DNAH8: variants seen among roughly 807,000 people sequenced by gnomAD.
The protein encoded by DNAH8 is dynein axonemal heavy chain 8, also known as axonemal beta dynein heavy chain 8.
Under a neutral mutation model 562.1 loss-of-function variants are expected in DNAH8, and 382 were observed. The ratio of observed to expected loss-of-function variants is 0.68; its 90% CI spans 0.63 to 0.74. The LOEUF (loss-of-function observed/expected upper bound fraction) is 0.74, where lower values mean the gene tolerates loss of function less well. Ranked by LOEUF, DNAH8 falls within the 30% of genes least tolerant of loss-of-function variation. DNAH8 has a pLI of 0.00. For synonymous variants in DNAH8, 1,881 were observed against 1,919.4 expected (o/e 0.98, Z 0.52); for missense variants, 5,203 against 5,620.4 (o/e 0.93, Z 2.37).
intron 4 of DNAH8, among the ~76,000 whole-genome samples, chr6:38,731,407 C>G (rs1178489780): frequency 2.6e-5 from 4 of 151,632 alleles, no homozygotes; most frequent in Non-Finnish European, 5.9e-5. Context: ...CTTCTTTATG[C>G]CAATAAATAC....
Position 38,942,171 on chromosome 6 carries a change from AC to A in DNAH8, c.12007+3186del, listed in dbSNP as rs148587702. Among the ~76,000 whole-genome samples, 1,252 of 152,280 alleles carry A rather than the reference AC, an allele frequency of 8.2e-3. 13 individuals carry two copies. The highest frequency in any genetic ancestry group is 0.029 in the African/African-American group (1,200 of 41,558). On this transcript the variant is annotated intron_variant, in intron 79 of 92. Coordinates refer to ENST00000327475, the MANE Select transcript of DNAH8 (RefSeq NM_001206927.2). ...TAAAAATTTCTGTTGTTTCTAAGCC[AC>A]CCAGCGTATGGTATTTGGTGATAGT... is the stretch of plus-strand genomic sequence containing the variant.
intron 27 of DNAH8, 142 bp from the exon 28 acceptor site, chr6:38,823,420 G>T: frequency 1.6e-6 from 1 of 630,942 alleles, no homozygotes; most frequent in East Asian, 2.6e-5. Flanking sequence ...GCTTCCTGGT[G>T]GACACCCTAT....
chr6:38,917,479 C>A, intron 69 of DNAH8, 73 bp downstream of exon 69: 1 of 1,205,080 alleles, frequency 8.3e-7, no homozygotes, highest in Non-Finnish European at 1.2e-6. Context: ...TCAATATAGA[C>A]CAGACAAACT....
At chr6:39,010,820 C>CACATAT in intron 89 of DNAH8, among the ~76,000 whole-genome samples, 1 of 132,830 alleles carries the variant, frequency 7.5e-6, no homozygotes, top group Middle Eastern at 4.1e-3. Flanking sequence ...CACACACACA[C>CACATAT]GTATGTATGT....
At chr6:38,919,745 T>A (rs747358475) in intron 70 of DNAH8, among the ~76,000 whole-genome samples, 110 of 152,262 alleles carry the variant, frequency 7.2e-4, no homozygotes, top group Middle Eastern at 3.4e-3. Context: ...ATGAACTCAG[T>A]CATTCCTAAT....
intron 16 of DNAH8, among the ~76,000 whole-genome samples, chr6:38,782,127 C>A (rs2395706): frequency 2.7e-5 from 4 of 150,798 alleles, no homozygotes; most frequent in East Asian, 3.9e-4. Context: ...TTCTGAATAT[C>A]AAAAAAAAAT....
At chr6:38,909,810 T>G in intron 65 of DNAH8, 66 bp downstream of exon 65, 2 of 1,247,778 alleles carry the variant, frequency 1.6e-6, no homozygotes, top group East Asian at 2.4e-5. Context: ...AGGAATGCAT[T>G]GTAACATCCA....
intron 8 of DNAH8, among the ~76,000 whole-genome samples, chr6:38,743,887 T>C (rs1764718529): frequency 6.6e-6 from 1 of 152,348 alleles, no homozygotes; most frequent in Admixed American, 6.5e-5. Flanking sequence ...TTGGTTATTA[T>C]ACCTGGGGTG....
rs748529479 is a variant in DNAH8 at position 38,823,636 on chromosome 6, G to A, written c.3795G>A (p.Glu1265=). Residue 1265 remains glutamate, a synonymous_variant, in exon 28 of 93, where the codon GAG becomes GAA. Coordinates refer to ENST00000327475, the MANE Select transcript of DNAH8 (RefSeq NM_001206927.2). Reference sequence around the variant, plus strand: ...TACACTATGCTACTTTTGAACAGGAGATTGATGAGTTGAAGCCTATTATTG... The same window carrying A: ...TACACTATGCTACTTTTGAACAGGAAATTGATGAGTTGAAGCCTATTATTG... The part of the protein sequence containing the change: ...EILHYATFEQ[E]IDELKPIIVV... The A allele has an allele frequency of 6.2e-7, 1 of 1,608,742 alleles. No individual in the cohort carries two copies. The highest frequency in any genetic ancestry group is 8.5e-7 in the Non-Finnish European group (1 of 1,175,498).
At chr6:39,016,520 C>T (rs1036223120) in intron 91 of DNAH8, among the ~76,000 whole-genome samples, 6 of 148,184 alleles carry the variant, frequency 4.0e-5, no homozygotes, top group African/African-American at 7.5e-5. Flanking sequence ...CACTGCATTC[C>T]AGCCTGGGCA....
At chr6:38,925,930 G>T in intron 73 of DNAH8, 125 bp from the exon 74 acceptor site, 1 of 897,346 alleles carries the variant, frequency 1.1e-6, no homozygotes, top group Non-Finnish European at 1.6e-6. Context: ...CGAAGTACAA[G>T]TTGCATAGTC....
intron 82 of DNAH8, among the ~76,000 whole-genome samples, chr6:38,960,503 C>G (rs957021465): frequency 1.3e-5 from 2 of 149,848 alleles, no homozygotes; most frequent in African/African-American, 4.9e-5. Context: ...ATATAAATTG[C>G]AAAAAGATAT....
At chr6:38,744,704 T>G (rs1320949398) in intron 8 of DNAH8, among the ~76,000 whole-genome samples, 1 of 152,188 alleles carries the variant, frequency 6.6e-6, no homozygotes, top group Non-Finnish European at 1.5e-5. Flanking sequence ...GTGATCCTCC[T>G]GCCTCAGCCT....
intron 79 of DNAH8, among the ~76,000 whole-genome samples, chr6:38,942,066 C>T (rs1375881518): frequency 6.6e-6 from 1 of 152,062 alleles, no homozygotes; most frequent in Non-Finnish European, 1.5e-5. Context: ...CATCTATGCA[C>T]CAGGAAATGG....
rs772967519 is a variant in DNAH8 at position 38,826,398 on chromosome 6, A to G, written c.4083+7A>G. The stretch of plus-strand genomic sequence containing the variant: ...GACTTTGGGACCAATTGAAGTAAGA[A>G]ATGATTGCATTTTTTTTTCTTGGAA... On this transcript the variant is annotated splice_region_variant and intron_variant, in intron 29 of 92. Coordinates refer to ENST00000327475, the MANE Select transcript of DNAH8 (RefSeq NM_001206927.2). 2.6e-6 allele frequency: 4 copies of G among 1,553,128 alleles called. No homozygotes were observed. The highest frequency in any genetic ancestry group is 2.8e-5 in the African/African-American group (2 of 71,456).
At chr6:38,788,629 G>A (rs574224010) in intron 18 of DNAH8, among the ~76,000 whole-genome samples, 2 of 152,050 alleles carry the variant, frequency 1.3e-5, no homozygotes, top group South Asian at 4.1e-4. Flanking sequence ...TTTAAATTGA[G>A]TATTTGTCTA....
At chr6:38,857,460 A>T (rs913538176) in intron 41 of DNAH8, 58 bp from the exon 42 acceptor site, 8 of 1,161,016 alleles carry the variant, frequency 6.9e-6, no homozygotes, top group Non-Finnish European at 1.0e-5. Flanking sequence ...ACCAAATTTT[A>T]TTGCAGATGT....
In DNAH8 at chr6:38,783,029, C is replaced by T. The variant is rs199804814; in HGVS notation, c.2285C>T (p.Pro762Leu). 158 of 1,613,506 alleles carry T rather than the reference C, an allele frequency of 9.8e-5. No individual in the cohort carries two copies. Among genetic ancestry groups the T allele is most frequent in the Admixed American group, 2.0e-4 (12 of 59,968 alleles). Reference sequence around the variant, plus strand: ...AAAAACTCAGACATTTTATCAAGTCCGGACGGTAAAGCTGTCATCCGTCAG... The same window carrying T: ...AAAAACTCAGACATTTTATCAAGTCTGGACGGTAAAGCTGTCATCCGTCAG... ...FFKNSDILSS[P>L]DGKAVIRQYN... Residue 762 changes from proline to leucine, a missense_variant, in exon 17 of 93, where the codon CCG becomes CTG. Pro to Leu is a moderately conservative substitution (Grantham distance 98). This residue lies in a region of DNAH8 where 2,176 missense variants were observed against 2,365.1 expected (regional missense o/e 0.92). Coordinates refer to ENST00000327475, the MANE Select transcript of DNAH8 (RefSeq NM_001206927.2).
intron 3 of DNAH8, among the ~76,000 whole-genome samples, chr6:38,723,819 T>G (rs1269707570): frequency 1.3e-5 from 2 of 151,608 alleles, no homozygotes; most frequent in African/African-American, 4.9e-5. Flanking sequence ...GAGGATGCAG[T>G]GAGTACTCCA....
Sources: allele counts gnomAD v4.1 joint callset (sites outside exome capture counted in the v4.1 genomes callset), GRCh38; gene constraint gnomAD v4.1.1; regional missense constraint gnomAD v4.1.1; transcripts MANE v1.5; gene names NCBI Gene and HGNC (gene_info 2026-07-23, HGNC 2026-07-21).